PDE4D: variants seen among roughly 807,000 people sequenced by gnomAD.
PDE4D encodes 3',5'-cyclic-AMP phosphodiesterase 4D.
In PDE4D, 24 loss-of-function variants were observed where a neutral mutation model predicts 87.4. The observed-to-expected ratio is 0.27, with a 90% confidence interval of 0.20 to 0.39. The LOEUF (loss-of-function observed/expected upper bound fraction) is 0.39, where lower values mean the gene tolerates loss of function less well. PDE4D is among the 10% of genes least tolerant of loss of function. The pLI, the probability that PDE4D is intolerant of heterozygous loss-of-function variation, is 1.00. For missense variants in PDE4D, 714 were observed against 1,041.0 expected, an observed-to-expected ratio of 0.69 and a Z score of 4.32; for synonymous variants, 384 against 383.2, an observed-to-expected ratio of 1.00 and a Z score of -0.02.
intron 1 of PDE4D, among the ~76,000 whole-genome samples, chr5:59,510,324 C>G (rs1810072317): frequency 6.6e-6 from 1 of 150,918 alleles, no homozygotes; most frequent in Non-Finnish European, 1.5e-5. Context: ...GGAAAATAAA[C>G]ACAAAAAAGT....
intron 1 of PDE4D, among the ~76,000 whole-genome samples, chr5:59,866,354 A>G (rs1000812539): frequency 2.0e-4 from 30 of 152,248 alleles, no homozygotes; most frequent in African/African-American, 7.0e-4. Flanking sequence ...AAAAGAAATA[A>G]TGGTGTTTCC....
At chr5:59,906,309 C>T (rs1290731788) in intron 3 of PDE4D, among the ~76,000 whole-genome samples, 2 of 152,112 alleles carry the variant, frequency 1.3e-5, no homozygotes, top group Non-Finnish European at 2.9e-5. Context: ...GAACCTATTT[C>T]TCTAGGAAAC....
chr5:59,369,808 T>C (rs2153597978), intron 1 of PDE4D, among the ~76,000 whole-genome samples: 1 of 152,236 alleles, frequency 6.6e-6, no homozygotes, highest in South Asian at 2.1e-4. Flanking sequence ...AGGTGAACTC[T>C]ATAGTGGGTG....
At chr5:59,082,814 G>A (rs930673579) in intron 5 of PDE4D, among the ~76,000 whole-genome samples, 4 of 152,080 alleles carry the variant, frequency 2.6e-5, no homozygotes, top group Admixed American at 6.6e-5. Context: ...TATGCAATTC[G>A]AAATGTGATG....
At chr5:59,055,283 C>T (rs951673067) in intron 5 of PDE4D, among the ~76,000 whole-genome samples, 2 of 152,168 alleles carry the variant, frequency 1.3e-5, no homozygotes, top group Admixed American at 6.5e-5. Context: ...ATCCCTCCTA[C>T]ATAGCCTATG....
At chr5:59,843,689 G>A (rs1028044136) in intron 1 of PDE4D, among the ~76,000 whole-genome samples, 2 of 152,054 alleles carry the variant, frequency 1.3e-5, no homozygotes, top group Non-Finnish European at 2.9e-5. Flanking sequence ...CACAGGTGAT[G>A]TCACCTATGA....
chr5:59,700,638 C>T (rs1483755224), intron 1 of PDE4D, among the ~76,000 whole-genome samples: 2 of 152,162 alleles, frequency 1.3e-5, no homozygotes, highest in Admixed American at 1.3e-4. Flanking sequence ...CCCACCAATG[C>T]CATGGACAGA....
At chr5:60,266,559 C>T (rs906524523) in intron 1 of PDE4D, among the ~76,000 whole-genome samples, 3 of 152,194 alleles carry the variant, frequency 2.0e-5, no homozygotes, top group Non-Finnish European at 2.9e-5. Context: ...TGAGAGGATG[C>T]TTGCTGGTAA....
intron 1 of PDE4D, among the ~76,000 whole-genome samples, chr5:60,453,090 G>A (rs1450563004): frequency 6.6e-6 from 1 of 152,010 alleles, no homozygotes; most frequent in African/African-American, 2.4e-5. Flanking sequence ...TCTTACCTTT[G>A]CTGTTTAATT....
At chr5:59,622,171 A>C (rs1830418565) in intron 1 of PDE4D, among the ~76,000 whole-genome samples, 1 of 151,622 alleles carries the variant, frequency 6.6e-6, no homozygotes, top group Non-Finnish European at 1.5e-5. Flanking sequence ...TATTTTCTTT[A>C]TATATATATA....
intron 1 of PDE4D, among the ~76,000 whole-genome samples, chr5:59,527,038 T>G (rs1377761424): frequency 6.6e-6 from 1 of 152,164 alleles, no homozygotes; most frequent in African/African-American, 2.4e-5. Flanking sequence ...AATTTTAAAA[T>G]TTTTTTCTTC....
At chr5:59,178,287 A>G (rs888819693) in intron 5 of PDE4D, among the ~76,000 whole-genome samples, 2 of 152,084 alleles carry the variant, frequency 1.3e-5, no homozygotes, top group Non-Finnish European at 2.9e-5. Flanking sequence ...TAGTCAGTTC[A>G]TTTCCTGTTG....
chr5:59,238,061 C>T (rs1229729864), intron 1 of PDE4D, among the ~76,000 whole-genome samples: 2 of 152,080 alleles, frequency 1.3e-5, no homozygotes, highest in Non-Finnish European at 2.9e-5. Context: ...AACACAGGGT[C>T]TAGGCAGCCC....
intron 1 of PDE4D, among the ~76,000 whole-genome samples, chr5:59,849,403 C>T (rs1018382425): frequency 4.0e-5 from 6 of 151,782 alleles, no homozygotes; most frequent in African/African-American, 1.4e-4. Flanking sequence ...TTAATATTTC[C>T]AGTAAAACAT....
chr5:60,249,335 A>G (rs1748163178), intron 1 of PDE4D, among the ~76,000 whole-genome samples: 1 of 152,056 alleles, frequency 6.6e-6, no homozygotes, highest in Non-Finnish European at 1.5e-5. Context: ...TAGCTCAGCA[A>G]TGTCAGCATC....
chr5:59,790,200 G>A (rs1198842467), intron 1 of PDE4D, among the ~76,000 whole-genome samples: 4 of 152,116 alleles, frequency 2.6e-5, no homozygotes, highest in Non-Finnish European at 2.9e-5. Context: ...ATCAAACCTT[G>A]TCTACTTTCA....
intron 1 of PDE4D, among the ~76,000 whole-genome samples, chr5:60,197,079 A>AGATAGAT (rs1741342281): frequency 1.9e-5 from 2 of 103,878 alleles, no homozygotes. Context: ...ATAGACAGTT[A>AGATAGAT]GATAGATAGA....
chr5:59,102,260 A>G (rs1399206823), intron 5 of PDE4D, among the ~76,000 whole-genome samples: 1 of 151,172 alleles, frequency 6.6e-6, no homozygotes, highest in Non-Finnish European at 1.5e-5. Flanking sequence ...CTAATTTTTT[A>G]TTTTTAGTAG....
At chr5:59,108,985 G>GTA (rs1489427376) in intron 5 of PDE4D, among the ~76,000 whole-genome samples, 1 of 151,142 alleles carries the variant, frequency 6.6e-6, no homozygotes, top group East Asian at 1.9e-4. Context: ...GTGTGTGTGT[G>GTA]TGTGTGTGTG....
Sources: gnomAD v4.1 joint callset for allele counts (sites outside exome capture counted in the v4.1 genomes callset) on GRCh38, gnomAD v4.1.1 for gene constraint, MANE v1.5 for transcripts, NCBI Gene and HGNC (gene_info 2026-07-23, HGNC 2026-07-21) for gene names.